ASXL1: variants seen among roughly 807,000 people sequenced by gnomAD.
ASXL1 encodes the protein ASXL transcriptional regulator 1.
A neutral mutation model predicts 89.1 loss-of-function variants in ASXL1; 65 were observed. The ratio of observed to expected loss-of-function variants is 0.73; its 90% CI spans 0.60 to 0.90. The LOEUF (loss-of-function observed/expected upper bound fraction) is 0.90. Ranked by LOEUF, ASXL1 falls within the 40% of genes least tolerant of loss-of-function variation. ASXL1 has a pLI of 0.00. For missense variants in ASXL1, 1,786 were observed against 1,942.9 expected, an observed-to-expected ratio of 0.92 and a Z score of 1.52; for synonymous variants, 739 against 746.9, an observed-to-expected ratio of 0.99 and a Z score of 0.17.
intron 1 of ASXL1, among the ~76,000 whole-genome samples, chr20:32,361,289 A>T (rs540677009): frequency 6.6e-6 from 1 of 152,222 alleles, no homozygotes; most frequent in South Asian, 2.1e-4. Context: ...GCAGTGCCCA[A>T]TGATTGATTG....
chr20:32,401,224 TTATCACGTG>T (rs934628987), intron 4 of ASXL1, among the ~76,000 whole-genome samples: 3 of 152,224 alleles, frequency 2.0e-5, no homozygotes, highest in African/African-American at 7.2e-5. Context: ...CTATGAAGTT[TTATCACGTG>T]TATAGATTTC....
intron 1 of ASXL1, among the ~76,000 whole-genome samples, chr20:32,364,847 C>A (rs996420366): frequency 6.6e-5 from 10 of 152,118 alleles, no homozygotes; most frequent in African/African-American, 2.4e-4. Context: ...GGTACGTGTT[C>A]CATGTGTTTG....
chr20:32,405,656 C>T (rs138218679), intron 4 of ASXL1, among the ~76,000 whole-genome samples: 5 of 152,244 alleles, frequency 3.3e-5, no homozygotes, highest in African/African-American at 7.2e-5. Flanking sequence ...CTTTGATTTT[C>T]GTGACCTTGA....
chr20:32,382,626 A>C (rs990300695), intron 4 of ASXL1, among the ~76,000 whole-genome samples: 2 of 150,850 alleles, frequency 1.3e-5, no homozygotes, highest in African/African-American at 2.4e-5. Context: ...AAAAAAAAAA[A>C]ACAAAACCTG....
At chr20:32,392,228 C>T (rs1823998048) in intron 4 of ASXL1, among the ~76,000 whole-genome samples, 2 of 151,552 alleles carry the variant, frequency 1.3e-5, no homozygotes, top group South Asian at 2.1e-4. Context: ...AGTCATCTCA[C>T]TGCAGTCTCC....
Position 32,431,461 on chromosome 20 carries a change from C to T in ASXL1, c.859C>T (p.Leu287Phe). 1 of 1,614,224 alleles carries T rather than the reference C, an allele frequency of 6.2e-7. No homozygotes were observed. The highest frequency in any genetic ancestry group is 8.5e-7 in the Non-Finnish European group (1 of 1,180,040). Residue 287 changes from leucine to phenylalanine, a missense_variant, in exon 9 of 13, where the codon CTC becomes TTC. Physicochemically the swap from Leu to Phe is conservative, Grantham distance 22. Around this residue, in one of 3 missense-constraint regions of ASXL1, gnomAD observed 332 missense variants for 449.7 expected, o/e 0.74. Coordinates refer to ENST00000375687, the MANE Select transcript of ASXL1 (RefSeq NM_015338.6). ...ACACTTCCAGCAGCAGCTCCTCTTC[C>T]TCCTGCCTGAAGTAGACAGACAGGT... ...PSHFQQQLLF[L>F]LPEVDRQVGT... is the part of the protein sequence containing the mutation.
intron 2 of ASXL1, 26 bp from the exon 3 acceptor site, chr20:32,367,701 C>T (rs780653675): frequency 1.3e-6 from 1 of 780,832 alleles, no homozygotes; most frequent in Non-Finnish European, 2.4e-6. Flanking sequence ...GCTGTCTGCA[C>T]TGCTGTTGGA....
chr20:32,421,699 C>T (rs1398076637), intron 4 of ASXL1, among the ~76,000 whole-genome samples: 2 of 151,932 alleles, frequency 1.3e-5, no homozygotes, highest in African/African-American at 4.8e-5. Context: ...ATGCATGCAA[C>T]AATGTAGATG....
At chr20:32,416,078 A>G (rs1218729892) in intron 4 of ASXL1, among the ~76,000 whole-genome samples, 1 of 152,166 alleles carries the variant, frequency 6.6e-6, no homozygotes, top group African/African-American at 2.4e-5. Flanking sequence ...CAAATTTTGA[A>G]AATTGAGATA....
Position 32,435,873 on chromosome 20 carries a change from C to T in ASXL1, c.3161C>T (p.Thr1054Ile). ...SKVNGDMRLV[T>I]RTDGMVAPQS... Reference sequence around the variant, plus strand: ...GTGAATGGTGACATGCGTCTGGTTACAAGGACAGATGGGATGGTTGCTCCT... The same window carrying T: ...GTGAATGGTGACATGCGTCTGGTTATAAGGACAGATGGGATGGTTGCTCCT... The change falls in exon 13 of 13, where the codon ACA (threonine) becomes ATA (isoleucine). Residue 1054 changes from threonine (T) to isoleucine (I), a missense_variant. By Grantham distance (89) the Thr-to-Ile change is moderately conservative. This residue lies in a region of ASXL1 where 1,418 missense variants were observed against 1,427.8 expected (regional missense o/e 0.99). Coordinates refer to ENST00000375687, the MANE Select transcript of ASXL1 (RefSeq NM_015338.6). 1 of 1,614,206 alleles carries T rather than the reference C, an allele frequency of 6.2e-7. No individual in the cohort carries two copies. Among genetic ancestry groups the T allele is most frequent in the Non-Finnish European group, 8.5e-7 (1 of 1,180,040 alleles).
In ASXL1 at chr20:32,433,795, G is replaced by C. The variant is rs2123268219; in HGVS notation, c.1597G>C (p.Ala533Pro). The part of the protein sequence containing the change: ...KRKSFEQAAS[A>P]SFPEKKPRLE... ...GAAATCCTTTGAGCAGGCGGCCTCT[G>C]CATCCTTTCCCGAAAAGAAGCCCCG... The change falls in exon 12 of 13, where the codon GCA (alanine) becomes CCA (proline). Residue 533 changes from alanine to proline, a missense_variant. This residue lies in a region of ASXL1 where 1,418 missense variants were observed against 1,427.8 expected (regional missense o/e 0.99). Transcript: ENST00000375687. 6.2e-7 allele frequency: 1 copy of C among 1,614,180 alleles called. No individual in the cohort carries two copies. The highest frequency in any genetic ancestry group is 8.5e-7 in the Non-Finnish European group (1 of 1,180,036).
intron 1 of ASXL1, chr20:32,360,009 T>G: frequency 1.8e-6 from 1 of 570,238 alleles, no homozygotes; most frequent in Non-Finnish European, 3.1e-6. Context: ...TGAGTGAAGC[T>G]CAGACTTAAT....
rs1398946916 is a variant in ASXL1 at position 32,435,751 on chromosome 20, C to T, written c.3039C>T (p.Ser1013=). The T allele has an allele frequency of 6.2e-7, 1 of 1,614,196 alleles. No individual in the cohort carries two copies. Among genetic ancestry groups the T allele is most frequent in the Non-Finnish European group, 8.5e-7 (1 of 1,180,040 alleles). ...TTGAAGGTCACCTCACGGAGGACAG[C>T]AGTGAGGCTGACACTAGAGAAGCTG... ...SDFEGHLTED[S]SEADTREAAV... is the part of the protein sequence containing the mutation. The change falls in exon 13 of 13, where the codon AGC becomes AGT. Residue 1013 remains serine, a synonymous_variant. Coordinates refer to ENST00000375687, the MANE Select transcript of ASXL1 (RefSeq NM_015338.6).
At chr20:32,358,890 G>T (rs1291120963) in intron 1 of ASXL1, 58 bp downstream of exon 1, 113 of 1,420,586 alleles carry the variant, frequency 8.0e-5, no homozygotes, top group Non-Finnish European at 8.0e-5. Context: ...GGCTCGCCGC[G>T]CACCCCCCCA....
chr20:32,437,388 A>T lies in ASXL1; in HGVS notation c.*50A>T. On this transcript the variant is annotated 3_prime_UTR_variant, in exon 13 of 13. Transcript: ENST00000375687. ...GTATATTTAGTGTGTGTATTTTGAT[A>T]ATGATTGATCTTAAATCTGTATACA... The T allele has an allele frequency of 6.3e-7, 1 of 1,594,668 alleles. No individual in the cohort carries two copies. Among genetic ancestry groups the T allele is most frequent in the Non-Finnish European group, 8.6e-7 (1 of 1,162,760 alleles).
chr20:32,413,461 A>G (rs549845078), intron 4 of ASXL1, among the ~76,000 whole-genome samples: 1 of 152,378 alleles, frequency 6.6e-6, no homozygotes, highest in Admixed American at 6.5e-5. Context: ...AAAAAACAAA[A>G]TGGGTTACAA....
rs758473430 is a variant in ASXL1 at position 32,435,144 on chromosome 20, A to G, written c.2432A>G (p.Asn811Ser). The G allele has an allele frequency of 2.7e-5, 44 of 1,613,836 alleles. No individual in the cohort carries two copies. The South Asian group carries it at 3.1e-4, about 11-fold the overall frequency. ...EEQGPTVPADNGPIPSLVGDD... is the reference protein window; with the variant it reads ...EEQGPTVPADSGPIPSLVGDD... ...CAAGGACCCACCGTTCCTGCAGACA[A>G]TGGTCCCATTCCGTCTCTAGTGGGA... is the stretch of plus-strand genomic sequence containing the variant. Residue 811 changes from asparagine (N) to serine (S), a missense_variant, in exon 13 of 13, where the codon AAT becomes AGT. This residue lies in a region of ASXL1 where 1,418 missense variants were observed against 1,427.8 expected (regional missense o/e 0.99). Transcript: ENST00000375687.
At chr20:32,396,526 A>G (rs766221479) in intron 4 of ASXL1, among the ~76,000 whole-genome samples, 1 of 152,110 alleles carries the variant, frequency 6.6e-6, no homozygotes, top group African/African-American at 2.4e-5. Flanking sequence ...ATCTGTAACA[A>G]TCTTTTTCCT....
chr20:32,427,941 G>C, intron 4 of ASXL1, 187 bp from the exon 5 acceptor site: 2 of 779,490 alleles, frequency 2.6e-6, no homozygotes, highest in Non-Finnish European at 4.1e-6. Context: ...ATGCAAAAGT[G>C]TATCTAACTT....
Sources: gnomAD v4.1 joint callset for allele counts (sites outside exome capture counted in the v4.1 genomes callset) on GRCh38, gnomAD v4.1.1 for gene constraint, gnomAD v4.1.1 regional missense constraint, MANE v1.5 for transcripts, NCBI Gene and HGNC (gene_info 2026-07-23, HGNC 2026-07-21) for gene names.